CCT3: variants seen among roughly 807,000 people sequenced by gnomAD.
CCT3 encodes chaperonin containing TCP1 subunit 3.
CCT3 carries 10 observed loss-of-function variants against 65.3 expected under a neutral mutation model. The ratio of observed to expected loss-of-function variants is 0.15; its 90% CI spans 0.09 to 0.26. The LOEUF is 0.26. Ranked by LOEUF, CCT3 falls within the 10% of genes least tolerant of loss-of-function variation. The pLI, the probability that CCT3 is intolerant of heterozygous loss-of-function variation, is 1.00. For missense variants in CCT3, 626 were observed against 708.7 expected (o/e 0.88, Z 1.33); for synonymous variants, 225 against 242.3 (o/e 0.93, Z 0.66).
intron 6 of CCT3, among the ~76,000 whole-genome samples, chr1:156,321,602 G>A (rs962992390): frequency 3.3e-5 from 5 of 152,234 alleles, no homozygotes; most frequent in East Asian, 1.9e-4. Flanking sequence ...GGCTGTGCAC[G>A]GTGGCTCACG....
At chr1:156,313,350 G>GAAAAAAAAAAAAAA (rs58926932) in intron 10 of CCT3, among the ~76,000 whole-genome samples, 1 of 106,720 alleles carries the variant, frequency 9.4e-6, no homozygotes, top group Non-Finnish European at 1.9e-5. Flanking sequence ...AAAAAAAAAA[G>GAAAAAAAAAAAAAA]AAAAAAAAAA....
chr1:156,331,416 C>A (rs1665091174), intron 5 of CCT3, among the ~76,000 whole-genome samples: 1 of 152,152 alleles, frequency 6.6e-6, no homozygotes, highest in Non-Finnish European at 1.5e-5. Context: ...GGCGCAGTGG[C>A]TCACACCTGT....
intron 6 of CCT3, 75 bp downstream of exon 6, chr1:156,324,897 G>T: frequency 1.0e-6 from 1 of 982,056 alleles, no homozygotes; most frequent in Non-Finnish European, 1.6e-6. Context: ...AAAGTGCTGG[G>T]ATGACAGCCA....
chr1:156,316,168 G>A (rs953292270), intron 10 of CCT3, among the ~76,000 whole-genome samples: 2 of 152,022 alleles, frequency 1.3e-5, no homozygotes, highest in African/African-American at 4.8e-5. Context: ...AAATTTTAAA[G>A]ACAATATAGT....
chr1:156,335,141 G>C (rs1011515808), intron 2 of CCT3: 5 of 511,024 alleles, frequency 9.8e-6, no homozygotes, highest in Non-Finnish European at 1.7e-5. Context: ...AAAGTGTTGG[G>C]ATTAGAGGCG....
At chr1:156,335,550 T>C (rs1209738829) in intron 2 of CCT3, 1 of 396,968 alleles carries the variant, frequency 2.5e-6, no homozygotes, top group Admixed American at 4.1e-5. Flanking sequence ...GTAACTCAGT[T>C]TAGTATGGGA....
chr1:156,326,673 GA>G (rs72320343), intron 5 of CCT3, among the ~76,000 whole-genome samples: 62,025 of 137,848 alleles, frequency 0.45, 14,445 homozygotes, highest in Admixed American at 0.57. Context: ...AAAAGAAAAA[GA>G]AAAAAAAAAG....
chr1:156,311,094 G>C lies in CCT3; in HGVS notation c.1257C>G (p.Ala419=), dbSNP rs772593188. 3.1e-6 allele frequency: 5 copies of C among 1,614,026 alleles called. No homozygotes were observed. The highest frequency in any genetic ancestry group is 2.2e-5 in the East Asian group (1 of 44,898). The change falls in exon 12 of 14, where the codon GCC becomes GCG. Residue 419 remains alanine (A), a synonymous_variant. Coordinates refer to ENST00000295688, the MANE Select transcript of CCT3 (RefSeq NM_005998.5). The part of the protein sequence containing the change: ...PGGGASEMAV[A]HALTEKSKAM... ...CCTTGGATTTTTCTGTCAAGGCATG[G>C]GCCACAGCCATCTCGGAGGCCCCAC... is the stretch of plus-strand genomic sequence containing the variant.
chr1:156,319,642 CAGG>C (rs1255027660), intron 7 of CCT3, among the ~76,000 whole-genome samples: 4 of 152,108 alleles, frequency 2.6e-5, no homozygotes, highest in African/African-American at 9.7e-5. Context: ...GAGGCTCAGG[CAGG>C]AGGATCCCTT....
rs553879941 is a variant in CCT3 at position 156,323,546 on chromosome 1, G to A, written c.422+1426C>T. On this transcript the variant is annotated intron_variant, in intron 6 of 13. Coordinates refer to ENST00000295688, the MANE Select transcript of CCT3 (RefSeq NM_005998.5). ...GTGGTGCAATCTCTGCTCACTGCAA[G>A]CTCTGCCTCCCGGGTTCATGCCATT... 6.8e-3 allele frequency among the ~76,000 whole-genome samples: 1,035 copies of A among 152,076 alleles called. 15 individuals carry two copies. Among genetic ancestry groups the A allele is most frequent in the African/African-American group, 0.023 (949 of 41,470 alleles).
intron 8 of CCT3, among the ~76,000 whole-genome samples, chr1:156,317,770 G>A (rs188613266): frequency 5.1e-4 from 77 of 150,850 alleles, no homozygotes; most frequent in African/African-American, 1.4e-3. Flanking sequence ...GTGTAATGGC[G>A]CGATCTTGGC....
At chr1:156,315,151 T>C (rs954430522) in intron 10 of CCT3, among the ~76,000 whole-genome samples, 1 of 152,152 alleles carries the variant, frequency 6.6e-6, no homozygotes, top group African/African-American at 2.4e-5. Flanking sequence ...AAGATGATGA[T>C]GACCTTTTTG....
intron 1 of CCT3, chr1:156,337,338 G>A: frequency 3.9e-6 from 1 of 255,922 alleles, no homozygotes. Flanking sequence ...AACCTGGGAG[G>A]CAGAGGTTGC....
chr1:156,327,860 C>T (rs369005173), intron 5 of CCT3, among the ~76,000 whole-genome samples: 21 of 150,448 alleles, frequency 1.4e-4, no homozygotes, highest in South Asian at 8.4e-4. Context: ...TCTGCCCGGC[C>T]GCCCATCGTC....
At chr1:156,319,277 T>G (rs1238737381) in intron 7 of CCT3, among the ~76,000 whole-genome samples, 1 of 139,012 alleles carries the variant, frequency 7.2e-6, no homozygotes, top group East Asian at 2.1e-4. Context: ...CACACCCGGC[T>G]AATTTTTTTT....
chr1:156,335,439 G>A (rs1410414011), intron 2 of CCT3: 2 of 200,072 alleles, frequency 1.0e-5, no homozygotes, highest in Admixed American at 5.5e-5. Flanking sequence ...TCAGATATAA[G>A]GCTATTTCAC....
chr1:156,333,683 G>A (rs1185243444), intron 4 of CCT3, 40 bp from the exon 5 acceptor site: 1 of 1,484,088 alleles, frequency 6.7e-7, no homozygotes, highest in South Asian at 1.1e-5. Context: ...ACTATTCAAA[G>A]ACCTCTGAAC....
intron 13 of CCT3, among the ~76,000 whole-genome samples, 192 bp downstream of exon 13, chr1:156,310,366 T>C (rs575241696): frequency 6.6e-6 from 1 of 151,902 alleles, no homozygotes; most frequent in East Asian, 2.0e-4. Context: ...TGGTGGTGCA[T>C]GCCTGTAGCC....
In CCT3 at chr1:156,309,027, G is replaced by GA. The variant is rs1197827431; in HGVS notation, c.*171dup. ...TAAATGGAAACCTTACAATAGAGAA[G>GA]AATTACATGTCAGTGTCTTTTGGAA... On this transcript the variant is annotated 3_prime_UTR_variant, in exon 14 of 14. Transcript: ENST00000295688. The GA allele has an allele frequency of 4.1e-5, 24 of 580,202 alleles. No homozygotes were observed. Among genetic ancestry groups the GA allele is most frequent in the Admixed American group, 2.9e-4 (10 of 34,598 alleles). The allele number at this position is 580,202 out of a possible 1,614,324, so 35.9% of individuals were successfully genotyped here. A position where few individuals can be genotyped will look rare whatever the true frequency, so the allele number is the denominator to read the frequency against.
Sources: gnomAD v4.1 joint callset for allele counts (sites outside exome capture counted in the v4.1 genomes callset) on GRCh38, gnomAD v4.1.1 for gene constraint, MANE v1.5 for transcripts, NCBI Gene and HGNC (gene_info 2026-07-23, HGNC 2026-07-21) for gene names.